The following CEP95 variants were observed in gnomAD, a reference collection of about 807,000 sequenced individuals.
CEP95 encodes centrosomal protein of 95 kDa.
CEP95 carries 98 observed loss-of-function variants against 111.2 expected under a neutral mutation model. That is an observed-to-expected ratio of 0.88 (90% CI 0.75 to 1.04). CEP95 has a LOEUF of 1.04. Among genes scored for constraint, CEP95 ranks in the 50% least tolerant of loss-of-function variants. The probability of loss-of-function intolerance (pLI) is 0.00; values close to 1 mark genes in which losing one functional copy is unlikely to be tolerated. For missense variants in CEP95, 1,027 were observed against 977.2 expected (o/e 1.05, Z -0.68); for synonymous variants, 323 against 327.1 (o/e 0.99, Z 0.14).
intron 1 of CEP95, chr17:64,507,523 TTATGCCCCTGCAGAATAGTAGAA>T: frequency 2.7e-6 from 3 of 1,123,688 alleles, no homozygotes; most frequent in Non-Finnish European, 2.2e-6. Context: ...TTAAGATTTA[TTATGCCCCTGCAGAATAGTAGAA>T]TATGCCCCTG....
At position 64,527,088 on chromosome 17, in the gene CEP95, G is replaced by A. The variant is rs374050752; in HGVS notation, c.1153-23G>A. 438 of 1,601,210 alleles carry A rather than the reference G, an allele frequency of 2.7e-4. 2 individuals carry two copies. The highest frequency in any genetic ancestry group is 5.5e-5 in the Non-Finnish European group (64 of 1,172,336). On this transcript the variant is annotated intron_variant, in intron 10 of 19. Transcript: ENST00000556440. ...CATTCTGCTGAAATCAGTGAAAGATGTTGAAAAGAATTTTCTCAATAGATG... is the reference window on the plus strand; with the variant it reads ...CATTCTGCTGAAATCAGTGAAAGATATTGAAAAGAATTTTCTCAATAGATG...
At chr17:64,507,341 C>T in intron 1 of CEP95, 1 of 1,427,374 alleles carries the variant, frequency 7.0e-7, no homozygotes. Flanking sequence ...GGCACTGGGG[C>T]GAGGCCGGTA....
intron 1 of CEP95, chr17:64,507,898 A>G: frequency 3.0e-6 from 3 of 985,442 alleles, no homozygotes; most frequent in African/African-American, 3.5e-5. Context: ...TGGTACAGAA[A>G]CCGTTAAACT....
chr17:64,531,785 A>C, intron 13 of CEP95, 105 bp from the exon 14 acceptor site: 1 of 842,004 alleles, frequency 1.2e-6, no homozygotes, highest in Non-Finnish European at 1.7e-6. Flanking sequence ...CTAAAAAACT[A>C]AAAAACTACC....
chr17:64,523,596 A>G (rs966748680), intron 8 of CEP95, among the ~76,000 whole-genome samples: 2 of 151,988 alleles, frequency 1.3e-5, no homozygotes, highest in Non-Finnish European at 2.9e-5. Flanking sequence ...CCTTTTTTAT[A>G]TAGTCATCCT....
chr17:64,506,970 A>G (rs556828108), upstream of CEP95: 233 of 1,025,308 alleles, frequency 2.3e-4, 1 homozygote, highest in South Asian at 3.1e-3. Context: ...TCCTTCTTTC[A>G]CGCCTCCTTC....
chr17:64,518,367 T>C (rs1264002965), intron 5 of CEP95, among the ~76,000 whole-genome samples: 2 of 152,188 alleles, frequency 1.3e-5, no homozygotes, highest in African/African-American at 4.8e-5. Flanking sequence ...ACAGTGTAAA[T>C]GTTTTAAGGC....
intron 8 of CEP95, among the ~76,000 whole-genome samples, chr17:64,525,019 A>G (rs939014762): frequency 1.9e-4 from 29 of 151,926 alleles, no homozygotes; most frequent in African/African-American, 6.3e-4. Context: ...CACAAGAAGT[A>G]TTTTCTAAAA....
At position 64,516,730 on chromosome 17, in the gene CEP95, T is replaced by C; in HGVS notation, c.375T>C (p.Thr125=). ...TTTATCTGTTCTGAACAGGTGAAAC[T>C]GAACAGTATTTTAAAGAATCTGATC... ...ISETSHEKSE[T]EQYFKESDRG... Residue 125 remains threonine (T), a synonymous_variant, in exon 5 of 20, where the codon ACT becomes ACC. Transcript: ENST00000556440. The C allele has an allele frequency of 6.2e-7, 1 of 1,601,408 alleles. No individual in the cohort carries two copies. The highest frequency in any genetic ancestry group is 1.1e-5 in the South Asian group (1 of 90,630).
intron 9 of CEP95, 87 bp from the exon 10 acceptor site, chr17:64,525,984 T>C (rs1967786007): frequency 1.3e-6 from 2 of 1,509,488 alleles, no homozygotes; most frequent in African/African-American, 2.8e-5. Context: ...CAGAATGAAG[T>C]ATTTGTTAAA....
intron 13 of CEP95, 72 bp from the exon 14 acceptor site, chr17:64,531,818 T>G: frequency 8.7e-7 from 1 of 1,143,058 alleles, no homozygotes; most frequent in East Asian, 2.8e-5. Context: ...TGTCAGTATG[T>G]AATATTTAAG....
intron 6 of CEP95, among the ~76,000 whole-genome samples, chr17:64,519,781 T>C (rs1967171442): frequency 6.6e-6 from 1 of 152,222 alleles, no homozygotes; most frequent in Non-Finnish European, 1.5e-5. Context: ...ACTTTTTTCA[T>C]TGTTTGAACC....
chr17:64,537,797 G>T lies in CEP95; in HGVS notation c.*18G>T, dbSNP rs1018086330. On this transcript the variant is annotated 3_prime_UTR_variant, in exon 20 of 20. Transcript: ENST00000556440. ...CCCTATGAGGCCAGACTTGATAATA[G>T]TAGGTGAAGGTTCTGGAGGCCTTTA... The T allele has an allele frequency of 1.3e-6, 2 of 1,516,818 alleles. No individual in the cohort carries two copies. Among genetic ancestry groups the T allele is most frequent in the Non-Finnish European group, 1.8e-6 (2 of 1,121,726 alleles). The allele number at this position is 1,516,818 out of a possible 1,614,324, so 94.0% of individuals were successfully genotyped here. A position where few individuals can be genotyped will look rare whatever the true frequency, so the allele number is the denominator to read the frequency against.
intron 14 of CEP95, chr17:64,532,630 C>T: frequency 7.4e-7 from 1 of 1,345,820 alleles, no homozygotes; most frequent in African/African-American, 1.5e-5. Context: ...AGCATGGCAT[C>T]AATCCAGAAC....
In CEP95 at chr17:64,533,165, A is replaced by G; in HGVS notation, c.1891A>G (p.Lys631Glu). The G allele has an allele frequency of 6.3e-7, 1 of 1,589,938 alleles. No homozygotes were observed. Among genetic ancestry groups the G allele is most frequent in the Non-Finnish European group, 8.5e-7 (1 of 1,174,122 alleles). The part of the protein sequence containing the change: ...RHDLLTTLVK[K>E]EYEHNKRLQD... ...TGACCTCCTTACTACCCTTGTCAAG[A>G]AAGAATATGAACATAACAAGAGACT... Residue 631 changes from lysine (K) to glutamate (E), a missense_variant, in exon 16 of 20, where the codon AAA (lysine) becomes GAA (glutamate). By Grantham distance (56) the Lys-to-Glu change is moderately conservative. Coordinates refer to ENST00000556440, the MANE Select transcript of CEP95 (RefSeq NM_138363.3).
chr17:64,519,904 C>T (rs1480765583), intron 6 of CEP95, among the ~76,000 whole-genome samples: 7 of 152,220 alleles, frequency 4.6e-5, no homozygotes, highest in African/African-American at 1.7e-4. Flanking sequence ...CAATTTTGAG[C>T]CTCCAACCTT....
chr17:64,536,911 T>G, intron 18 of CEP95, 130 bp from the exon 19 acceptor site: 1 of 1,172,108 alleles, frequency 8.5e-7, no homozygotes, highest in Non-Finnish European at 1.2e-6. Flanking sequence ...GATCAAATAA[T>G]ACCTGACCAT....
chr17:64,529,140 C>T (rs537148080), intron 11 of CEP95, 148 bp from the exon 12 acceptor site: 2 of 642,034 alleles, frequency 3.1e-6, no homozygotes, highest in Admixed American at 3.1e-5. Flanking sequence ...CTTGGTGTTA[C>T]CATACCAATT....
chr17:64,532,885 T>G lies in CEP95; in HGVS notation c.1719T>G (p.Phe573Leu), dbSNP rs1555680612. 2 of 1,613,768 alleles carry G rather than the reference T, an allele frequency of 1.2e-6. No individual in the cohort carries two copies. Among genetic ancestry groups the G allele is most frequent in the Admixed American group, 1.7e-5 (1 of 59,984 alleles). Reference sequence around the variant, plus strand: ...TCCTGCCCCTTATGCTGGAGCAGTTTCCGTTTCTTTATGTTTCTGGCCCAA... The same window carrying G: ...TCCTGCCCCTTATGCTGGAGCAGTTGCCGTTTCTTTATGTTTCTGGCCCAA... The part of the protein sequence containing the change: ...HSLLPLMLEQ[F>L]PFLYVSGPTL... The change falls in exon 15 of 20, where the codon TTT becomes TTG. Residue 573 changes from phenylalanine to leucine, a missense_variant. Coordinates refer to ENST00000556440, the MANE Select transcript of CEP95 (RefSeq NM_138363.3).
Sources: allele counts gnomAD v4.1 joint callset (sites outside exome capture counted in the v4.1 genomes callset), GRCh38; gene constraint gnomAD v4.1.1; transcripts MANE v1.5; gene names NCBI Gene and HGNC (gene_info 2026-07-23, HGNC 2026-07-21).